Variants in DOK6 observed in about 807,000 individuals in gnomAD.
DOK6 encodes the protein docking protein 6.
DOK6 carries 22 observed loss-of-function variants against 44.0 expected under a neutral mutation model. That is an observed-to-expected ratio of 0.50 (90% confidence interval 0.36 to 0.71). DOK6 has a LOEUF of 0.71. Among genes scored for constraint, DOK6 ranks in the 30% least tolerant of loss-of-function variants. The probability of loss-of-function intolerance (pLI) is 0.00; values close to 1 mark genes in which losing one functional copy is unlikely to be tolerated. For missense variants in DOK6, 340 were observed against 416.4 expected (o/e 0.82, Z 1.60); for synonymous variants, 166 against 145.5 (o/e 1.14, Z -1.01).
chr18:69,599,475 C>T lies in DOK6; in HGVS notation c.266C>T (p.Ser89Leu), dbSNP rs760566494. 13 of 1,613,724 alleles carry T rather than the reference C, an allele frequency of 8.1e-6. No homozygotes were observed. Among genetic ancestry groups the T allele is most frequent in the South Asian group, 4.4e-5 (4 of 91,058 alleles). The change falls in exon 3 of 8, where the codon TCG becomes TTG. Residue 89 changes from serine (S) to leucine (L), a missense_variant. By Grantham distance (145) the Ser-to-Leu change is moderately radical (BLOSUM62 -2). Coordinates refer to ENST00000382713, the MANE Select transcript of DOK6 (RefSeq NM_152721.6). Reference protein sequence around the residue: ...AVAIIFHDETSKTFACESELE... With the variant: ...AVAIIFHDETLKTFACESELE... ...GCAATCATCTTTCACGATGAAACAT[C>T]GAAGACATTTGCCTGTGAGTCAGGT...
intron 1 of DOK6, among the ~76,000 whole-genome samples, chr18:69,443,153 A>G (rs553438270): frequency 7.4e-4 from 112 of 152,328 alleles, no homozygotes; most frequent in African/African-American, 2.4e-3. Context: ...TTACATTTAC[A>G]TAGGATCTAT....
At chr18:69,727,171 A>G (rs1442202679) in intron 5 of DOK6, among the ~76,000 whole-genome samples, 6 of 152,194 alleles carry the variant, frequency 3.9e-5, no homozygotes, top group East Asian at 1.9e-4. Flanking sequence ...GGTCTCTTTT[A>G]TAAGGGCACT....
At chr18:69,751,023 T>A (rs12608320) in intron 6 of DOK6, among the ~76,000 whole-genome samples, 81,559 of 151,968 alleles carry the variant, frequency 0.54, 24,833 homozygotes, top group East Asian at 0.69. Flanking sequence ...ACAAATACCA[T>A]GTATTCTCAC....
intron 1 of DOK6, among the ~76,000 whole-genome samples, chr18:69,415,952 A>C (rs1978331414): frequency 6.6e-6 from 1 of 152,116 alleles, no homozygotes. Flanking sequence ...TTACAAACCC[A>C]TCATGTAGTT....
intron 1 of DOK6, among the ~76,000 whole-genome samples, chr18:69,479,890 G>A (rs1259848518): frequency 1.3e-5 from 2 of 152,150 alleles, no homozygotes; most frequent in Non-Finnish European, 2.9e-5. Flanking sequence ...TTGTGAGTGT[G>A]TGGTAGGGAC....
At chr18:69,557,771 G>A (rs76371324) in intron 1 of DOK6, among the ~76,000 whole-genome samples, 2,551 of 152,236 alleles carry the variant, frequency 0.017, 35 homozygotes, top group Non-Finnish European at 0.028. Flanking sequence ...GGATAAAGTG[G>A]TACAGCATCC....
chr18:69,834,194 C>A (rs536184991), intron 7 of DOK6, among the ~76,000 whole-genome samples: 7 of 152,214 alleles, frequency 4.6e-5, no homozygotes, highest in African/African-American at 1.7e-4. Context: ...TGCTATTCAT[C>A]CATAAGAAAG....
At chr18:69,766,793 A>T (rs1194737645) in intron 7 of DOK6, among the ~76,000 whole-genome samples, 1 of 151,942 alleles carries the variant, frequency 6.6e-6, no homozygotes, top group Non-Finnish European at 1.5e-5. Context: ...TGTAAACCAA[A>T]CTCTCACTAT....
At chr18:69,781,539 G>T (rs974543331) in intron 7 of DOK6, 4 of 152,094 alleles carry the variant, frequency 2.6e-5, no homozygotes, top group African/African-American at 4.8e-5. Context: ...TGAAATTATA[G>T]TGGGTAAAGC....
At chr18:69,425,220 C>T (rs1389218431) in intron 1 of DOK6, among the ~76,000 whole-genome samples, 3 of 151,882 alleles carry the variant, frequency 2.0e-5, no homozygotes, top group Non-Finnish European at 4.4e-5. Flanking sequence ...AAATATGGAT[C>T]GATAATTTGC....
chr18:69,429,661 A>ATATC (rs1978749136), intron 1 of DOK6, among the ~76,000 whole-genome samples: 5 of 103,122 alleles, frequency 4.8e-5, no homozygotes, highest in African/African-American at 7.2e-5. Context: ...ATATATATAT[A>ATATC]TATCTTATTA....
At chr18:69,722,008 G>A (rs924343318) in intron 5 of DOK6, among the ~76,000 whole-genome samples, 2 of 152,102 alleles carry the variant, frequency 1.3e-5, no homozygotes, top group African/African-American at 4.8e-5. Flanking sequence ...AGTTTGTATG[G>A]ATTTGGAATA....
chr18:69,563,867 G>A (rs1426432756), intron 1 of DOK6, among the ~76,000 whole-genome samples: 11 of 151,702 alleles, frequency 7.3e-5, no homozygotes, highest in Non-Finnish European at 5.9e-5. Flanking sequence ...ATCTTGAAAT[G>A]AAAGTAATGC....
intron 7 of DOK6, among the ~76,000 whole-genome samples, chr18:69,793,174 A>T (rs1980648402): frequency 6.6e-6 from 1 of 152,138 alleles, no homozygotes; most frequent in Non-Finnish European, 1.5e-5. Context: ...AACTCAATAG[A>T]TTGACTTATA....
At chr18:69,770,503 T>C (rs1459856993) in intron 7 of DOK6, among the ~76,000 whole-genome samples, 2 of 152,108 alleles carry the variant, frequency 1.3e-5, no homozygotes, top group Non-Finnish European at 1.5e-5. Context: ...TCAAATGTGC[T>C]TTAAATGAGA....
intron 1 of DOK6, among the ~76,000 whole-genome samples, chr18:69,421,108 G>T (rs755803329): frequency 1.3e-5 from 2 of 152,090 alleles, no homozygotes; most frequent in African/African-American, 4.8e-5. Flanking sequence ...GTTCTCAATT[G>T]TACTTATTTT....
Position 69,459,052 on chromosome 18 carries a change from C to T in DOK6, c.66+57742C>T, listed in dbSNP as rs981905493. ...TGGAGGTTGCAGTGAGCTGACATCA[C>T]GCCACTGCACTCCTGCCTGGGTGAC... On this transcript the variant is annotated intron_variant, in intron 1 of 7. Transcript: ENST00000382713. Among the ~76,000 whole-genome samples the T allele has an allele frequency of 7.9e-5, 12 of 151,138 alleles. No individual in the cohort carries two copies. The East Asian group carries it at 1.4e-3, about 17-fold the overall frequency.
intron 7 of DOK6, among the ~76,000 whole-genome samples, chr18:69,787,857 A>G (rs1323609309): frequency 6.6e-6 from 1 of 152,206 alleles, no homozygotes; most frequent in East Asian, 1.9e-4. Context: ...GTTGCAATTA[A>G]TCTGCTTTCT....
chr18:69,468,917 T>G (rs1359207023), intron 1 of DOK6, among the ~76,000 whole-genome samples: 1 of 152,172 alleles, frequency 6.6e-6, no homozygotes, highest in Non-Finnish European at 1.5e-5. Context: ...AGGAGGAAAC[T>G]GTGACACACT....
Sources: allele counts gnomAD v4.1 joint callset (sites outside exome capture counted in the v4.1 genomes callset), GRCh38; gene constraint gnomAD v4.1.1; transcripts MANE v1.5; gene names NCBI Gene and HGNC (gene_info 2026-07-23, HGNC 2026-07-21).